DNER: variants seen among roughly 807,000 people sequenced by gnomAD.
DNER encodes the protein delta/notch like EGF repeat containing.
A neutral mutation model predicts 78.2 loss-of-function variants in DNER; 33 were observed. That is an observed-to-expected ratio of 0.42 (90% CI 0.32 to 0.56). The LOEUF is 0.56. DNER is among the 20% of genes least tolerant of loss of function. The probability of loss-of-function intolerance (pLI) is 0.11; values close to 1 mark genes in which losing one functional copy is unlikely to be tolerated. For missense variants in DNER, 918 were observed against 975.3 expected (o/e 0.94, Z 0.78); for synonymous variants, 417 against 384.8 (o/e 1.08, Z -0.98).
chr2:229,584,515 G>A (rs1697462040), intron 4 of DNER, among the ~76,000 whole-genome samples: 1 of 152,138 alleles, frequency 6.6e-6, no homozygotes, highest in Non-Finnish European at 1.5e-5. Context: ...ACAACTGAAA[G>A]GACACAGAAT....
chr2:229,563,876 C>T (rs1193646983), intron 4 of DNER, among the ~76,000 whole-genome samples: 2 of 138,244 alleles, frequency 1.4e-5, no homozygotes, highest in African/African-American at 5.4e-5. Flanking sequence ...CACCCCTTCA[C>T]CATCATCGTC....
chr2:229,538,537 T>C (rs1308987267), intron 5 of DNER, among the ~76,000 whole-genome samples: 1 of 151,114 alleles, frequency 6.6e-6, no homozygotes, highest in African/African-American at 2.5e-5. Context: ...GCTAATTTTG[T>C]TTTTTGTTTT....
intron 12 of DNER, among the ~76,000 whole-genome samples, chr2:229,361,550 C>T (rs968287153): frequency 1.2e-4 from 19 of 152,260 alleles, no homozygotes; most frequent in African/African-American, 4.1e-4. Flanking sequence ...ACAATATGGC[C>T]TGCAAAGTCT....
intron 7 of DNER, among the ~76,000 whole-genome samples, chr2:229,454,543 T>C (rs935506110): frequency 1.3e-5 from 2 of 151,874 alleles, no homozygotes; most frequent in Non-Finnish European, 2.9e-5. Flanking sequence ...ATGGAACTAA[T>C]ACTTAATATT....
At chr2:229,472,460 G>A (rs1694943319) in intron 7 of DNER, among the ~76,000 whole-genome samples, 1 of 152,020 alleles carries the variant, frequency 6.6e-6, no homozygotes, top group Non-Finnish European at 1.5e-5. Flanking sequence ...AATTCCCAGT[G>A]GAAGGGAGAT....
intron 6 of DNER, among the ~76,000 whole-genome samples, chr2:229,489,724 A>C (rs1695356439): frequency 6.8e-6 from 1 of 148,064 alleles, no homozygotes; most frequent in Admixed American, 6.7e-5. Flanking sequence ...GAGGGGAGGA[A>C]GAAGAGGGTG....
Position 229,458,216 on chromosome 2 carries a change from T to C in DNER, c.1262-10676A>G, listed in dbSNP as rs542440129. 1.7e-3 allele frequency among the ~76,000 whole-genome samples: 206 copies of C among 118,134 alleles called. 4 individuals carry two copies. Among genetic ancestry groups the C allele is most frequent in the African/African-American group, 6.5e-3 (197 of 30,366 alleles). 77.5% of individuals were successfully genotyped at this position (118,134 alleles called of 152,430 possible). A position where few individuals can be genotyped will look rare whatever the true frequency, so the allele number is the denominator to read the frequency against. On this transcript the variant is annotated intron_variant, in intron 7 of 12. Coordinates refer to ENST00000341772, the MANE Select transcript of DNER (RefSeq NM_139072.4). ...TGTGAAAAAGAAAGCATAAGAAAAC[T>C]AGTATTCTCTGTTAAAATCAGAAAA...
intron 1 of DNER, among the ~76,000 whole-genome samples, chr2:229,610,159 G>A (rs1017205785): frequency 1.3e-5 from 2 of 152,174 alleles, no homozygotes; most frequent in African/African-American, 4.8e-5. Context: ...AATAAGCCAT[G>A]CCCAATAAAC....
At chr2:229,510,877 A>C (rs1368953818) in intron 6 of DNER, among the ~76,000 whole-genome samples, 1 of 152,218 alleles carries the variant, frequency 6.6e-6, no homozygotes, top group Non-Finnish European at 1.5e-5. Context: ...ATCCACTGCC[A>C]AATGCATACT....
At chr2:229,430,208 T>C (rs868411280) in intron 8 of DNER, among the ~76,000 whole-genome samples, 2 of 152,242 alleles carry the variant, frequency 1.3e-5, no homozygotes, top group Non-Finnish European at 2.9e-5. Context: ...AATTTAAATA[T>C]GTATATTCAT....
chr2:229,461,237 A>G (rs1027753778), intron 7 of DNER, among the ~76,000 whole-genome samples: 2 of 152,038 alleles, frequency 1.3e-5, no homozygotes. Flanking sequence ...AAGAGTTTTC[A>G]ATTCAATCTC....
At chr2:229,545,095 A>T (rs991640548) in intron 5 of DNER, among the ~76,000 whole-genome samples, 2 of 152,212 alleles carry the variant, frequency 1.3e-5, no homozygotes, top group African/African-American at 4.8e-5. Flanking sequence ...CTGTCACTGA[A>T]CATTAACTCC....
intron 12 of DNER, among the ~76,000 whole-genome samples, chr2:229,359,754 G>A (rs1393581979): frequency 1.3e-5 from 2 of 152,054 alleles, no homozygotes; most frequent in Admixed American, 1.3e-4. Context: ...AGAATCAAGC[G>A]GGAAATGAGA....
intron 4 of DNER, among the ~76,000 whole-genome samples, chr2:229,564,068 C>T (rs1425495199): frequency 2.0e-5 from 3 of 148,214 alleles, no homozygotes; most frequent in South Asian, 4.4e-4. Flanking sequence ...CCATCACCAT[C>T]ATCATCATCC....
At chr2:229,375,134 C>T (rs1692569482) in intron 11 of DNER, among the ~76,000 whole-genome samples, 1 of 152,024 alleles carries the variant, frequency 6.6e-6, no homozygotes, top group African/African-American at 2.4e-5. Context: ...GGTTATTAAC[C>T]CAAAAGTATC....
chr2:229,415,807 T>G (rs1283530799), intron 9 of DNER, among the ~76,000 whole-genome samples: 1 of 152,226 alleles, frequency 6.6e-6, no homozygotes, highest in Non-Finnish European at 1.5e-5. Flanking sequence ...CATTTAAAAG[T>G]CTGAAACGCT....
intron 6 of DNER, among the ~76,000 whole-genome samples, chr2:229,482,517 C>T (rs374056868): frequency 5.9e-5 from 9 of 152,204 alleles, no homozygotes; most frequent in Non-Finnish European, 1.0e-4. Context: ...CACCGACCAC[C>T]GTGCTGCAGC....
In DNER at chr2:229,591,906, A is replaced by G; in HGVS notation, c.277-18T>C. 1 of 1,506,754 alleles carries G rather than the reference A, an allele frequency of 6.6e-7. No individual in the cohort carries two copies. The highest frequency in any genetic ancestry group is 8.8e-7 in the Non-Finnish European group (1 of 1,130,400). 93.3% of individuals were successfully genotyped at this position (1,506,754 alleles called of 1,614,324 possible). A position where few individuals can be genotyped will look rare whatever the true frequency, so the allele number is the denominator to read the frequency against. On this transcript the variant is annotated intron_variant, in intron 1 of 12. Transcript: ENST00000341772. The surrounding 1 kb of genome is among the most constrained non-coding windows in gnomAD (Gnocchi z 4.6). ...GCAACAAGCTGAAACGAGACCATAAATGGGTCAATTATTCCCTCATAAGAA... is the reference window on the plus strand; with the variant it reads ...GCAACAAGCTGAAACGAGACCATAAGTGGGTCAATTATTCCCTCATAAGAA...
intron 1 of DNER, among the ~76,000 whole-genome samples, chr2:229,682,682 T>C (rs1054847112): frequency 3.9e-5 from 6 of 152,168 alleles, no homozygotes; most frequent in Admixed American, 1.3e-4. Flanking sequence ...ACCCCTTTTC[T>C]ACTAAAAATA....
Sources: allele counts gnomAD v4.1 joint callset (sites outside exome capture counted in the v4.1 genomes callset), GRCh38; gene constraint gnomAD v4.1.1; non-coding constraint Gnocchi (gnomAD v3.1); transcripts MANE v1.5; gene names NCBI Gene and HGNC (gene_info 2026-07-23, HGNC 2026-07-21).